The following TBC1D19 variants were observed in gnomAD, a reference collection of about 807,000 sequenced individuals.
TBC1D19 encodes the protein TBC1 domain family, member 19.
In TBC1D19, 60 loss-of-function variants were observed where a neutral mutation model predicts 89.0. The observed-to-expected ratio is 0.67, with a 90% confidence interval of 0.55 to 0.84. TBC1D19 has a LOEUF of 0.84. Among genes scored for constraint, TBC1D19 ranks in the 40% least tolerant of loss-of-function variants. TBC1D19 has a pLI of 0.00. For missense variants in TBC1D19, 500 were observed against 610.8 expected (o/e 0.82, Z 1.91); for synonymous variants, 189 against 199.7 (o/e 0.95, Z 0.45).
intron 13 of TBC1D19, among the ~76,000 whole-genome samples, chr4:26,703,743 G>A (rs1391919801): frequency 1.3e-5 from 2 of 151,824 alleles, no homozygotes; most frequent in Non-Finnish European, 2.9e-5. Context: ...CACGAGGTCA[G>A]GAGATCGAGA....
At chr4:26,786,984 G>A in the TBC1D19 span, among the ~76,000 whole-genome samples, 13 of 152,190 alleles carry the variant, frequency 8.5e-5, no homozygotes, top group African/African-American at 3.1e-4. Context: ...AAACACAATC[G>A]CCTCACTTAT....
intron 8 of TBC1D19, chr4:26,663,171 G>C (rs917365455): frequency 2.0e-5 from 3 of 152,172 alleles, no homozygotes; most frequent in African/African-American, 7.2e-5. Context: ...TTAAGAAAAA[G>C]ACGTAAATGA....
At chr4:26,806,980 G>A in the TBC1D19 span, among the ~76,000 whole-genome samples, 12 of 152,310 alleles carry the variant, frequency 7.9e-5, no homozygotes, top group South Asian at 2.1e-4. Flanking sequence ...GGTTTAAGCC[G>A]CCTAGTTGTT....
intron 15 of TBC1D19, among the ~76,000 whole-genome samples, chr4:26,734,787 C>A (rs1717860959): frequency 6.6e-6 from 1 of 152,032 alleles, no homozygotes; most frequent in African/African-American, 2.4e-5. Flanking sequence ...GGGACATAAT[C>A]TATTGACTTT....
chr4:26,817,140 A>G, the TBC1D19 span, among the ~76,000 whole-genome samples: 2 of 152,138 alleles, frequency 1.3e-5, no homozygotes, highest in East Asian at 1.9e-4. Flanking sequence ...TGTTAACACA[A>G]ATTGTGTGTG....
intron 15 of TBC1D19, among the ~76,000 whole-genome samples, chr4:26,728,263 G>C (rs1003493966): frequency 6.6e-6 from 1 of 152,254 alleles, no homozygotes; most frequent in Non-Finnish European, 1.5e-5. Flanking sequence ...TTTAAGTAAG[G>C]CTGTCAGGTT....
chr4:26,769,241 C>T, the TBC1D19 span, among the ~76,000 whole-genome samples: 1 of 151,874 alleles, frequency 6.6e-6, no homozygotes, highest in Non-Finnish European at 1.5e-5. Context: ...CTCACACCTA[C>T]AAGAGCTGAA....
the TBC1D19 span, among the ~76,000 whole-genome samples, chr4:26,786,436 C>T: frequency 7.2e-5 from 11 of 152,090 alleles, no homozygotes; most frequent in Non-Finnish European, 1.5e-4. Context: ...AGATCGAGAC[C>T]ATCCTGGCCA....
intron 4 of TBC1D19, among the ~76,000 whole-genome samples, chr4:26,631,179 T>A (rs748458346): frequency 8.5e-5 from 13 of 152,066 alleles, no homozygotes; most frequent in Non-Finnish European, 1.5e-4. Flanking sequence ...TTTTCTTTCC[T>A]TATGTTTAGG....
At chr4:26,682,529 C>A (rs775291845) in intron 11 of TBC1D19, among the ~76,000 whole-genome samples, 1 of 152,118 alleles carries the variant, frequency 6.6e-6, no homozygotes, top group South Asian at 2.1e-4. Context: ...TTGTCTCAGA[C>A]GACCCTATCC....
chr4:26,703,453 C>T (rs1715486905), intron 13 of TBC1D19, among the ~76,000 whole-genome samples: 1 of 152,098 alleles, frequency 6.6e-6, no homozygotes, highest in South Asian at 2.1e-4. Context: ...TCATTAATTA[C>T]AGGCATTCCT....
chr4:26,607,153 A>G (rs773077053), intron 1 of TBC1D19, among the ~76,000 whole-genome samples: 27 of 152,170 alleles, frequency 1.8e-4, no homozygotes, highest in Admixed American at 5.9e-4. Flanking sequence ...GGACCATACC[A>G]CAAATGTACT....
chr4:26,717,818 C>T, intron 13 of TBC1D19, 115 bp from the exon 14 acceptor site: 1 of 737,468 alleles, frequency 1.4e-6, no homozygotes, highest in Non-Finnish European at 2.3e-6. Context: ...GGGCATTCTT[C>T]CCACCGCAAG....
In TBC1D19 at chr4:26,641,764, G is replaced by A. The variant is rs573466563; in HGVS notation, c.480+1577G>A. ...CTGATGGAGCTGAAAACCATGGCAC[G>A]AGAACTATGTGATGCATGTACAAGC... On this transcript the variant is annotated intron_variant, in intron 7 of 20. Transcript: ENST00000264866. Among the ~76,000 whole-genome samples, 4 of 152,138 alleles carry A rather than the reference G, an allele frequency of 2.6e-5. No individual in the cohort carries two copies. The East Asian group carries it at 5.8e-4, about 22-fold the overall frequency.
Position 26,688,348 on chromosome 4 carries a change from G to A in TBC1D19, c.895G>A (p.Val299Met). The A allele has an allele frequency of 2.5e-6, 4 of 1,571,028 alleles. No individual in the cohort carries two copies. The highest frequency in any genetic ancestry group is 3.5e-6 in the Non-Finnish European group (4 of 1,153,346). The change falls in exon 13 of 21, where the codon GTG becomes ATG. Residue 299 changes from valine to methionine, a missense_variant. Around this residue, in one of 2 missense-constraint regions of TBC1D19, gnomAD observed 220 missense variants for 319.1 expected, o/e 0.69. Coordinates refer to ENST00000264866, the MANE Select transcript of TBC1D19 (RefSeq NM_018317.4). ...TACTGTCTACTTTTAATTATAGGATGTGAAGTTGACAGCAAGCAATGATGA... is the reference window on the plus strand; with the variant it reads ...TACTGTCTACTTTTAATTATAGGATATGAAGTTGACAGCAAGCAATGATGA... ...LLVDSLIYKD[V>M]KLTASNDDYY...
chr4:26,603,820 A>C (rs181170142), intron 1 of TBC1D19, among the ~76,000 whole-genome samples: 259 of 152,362 alleles, frequency 1.7e-3, no homozygotes, highest in African/African-American at 6.1e-3. Context: ...TACATAACAT[A>C]AAAATGACCA....
chr4:26,852,319 C>A, the TBC1D19 span, among the ~76,000 whole-genome samples: 1 of 152,042 alleles, frequency 6.6e-6, no homozygotes, highest in Non-Finnish European at 1.5e-5. Context: ...TTTGGGAGAC[C>A]AAGGCGGGAG....
intron 9 of TBC1D19, among the ~76,000 whole-genome samples, chr4:26,668,577 T>C (rs150125985): frequency 1.1e-3 from 164 of 152,106 alleles, no homozygotes; most frequent in African/African-American, 3.8e-3. Flanking sequence ...AGTTGGAGCA[T>C]AGAATACTAA....
rs71186486 is a variant in TBC1D19 at position 26,745,497 on chromosome 4, C to CTTTTTTTTT, written c.1320-2894_1320-2886dup. 2.0e-4 allele frequency among the ~76,000 whole-genome samples: 8 copies of CTTTTTTTTT among 40,600 alleles called. 3 individuals are homozygous for CTTTTTTTTT. Among genetic ancestry groups the CTTTTTTTTT allele is most frequent in the East Asian group, 2.0e-3 (2 of 982 alleles). The allele number at this position is 40,600 out of a possible 152,430, so 26.6% of individuals were successfully genotyped here. ...GTGCCATGAGGTTTACAATATACTT[C>CTTTTTTTTT]TTTTTTTTTTTTTTTTTTTTTTTTT... is the stretch of plus-strand genomic sequence containing the variant. On this transcript the variant is annotated intron_variant, in intron 18 of 20. Transcript: ENST00000264866.
Sources: gnomAD v4.1 joint callset for allele counts (sites outside exome capture counted in the v4.1 genomes callset) on GRCh38, gnomAD v4.1.1 for gene constraint, gnomAD v4.1.1 regional missense constraint, MANE v1.5 for transcripts, NCBI Gene and HGNC (gene_info 2026-07-23, HGNC 2026-07-21) for gene names.